The following ANKRD6 variants were observed in gnomAD, a reference collection of about 807,000 sequenced individuals.
ANKRD6 encodes ankyrin repeat domain-containing protein 6.
A neutral mutation model predicts 82.3 loss-of-function variants in ANKRD6; 56 were observed. That is an observed-to-expected ratio of 0.68 (90% CI 0.55 to 0.85). The LOEUF (loss-of-function observed/expected upper bound fraction) is 0.85. ANKRD6 is among the 40% of genes least tolerant of loss of function. The pLI is 0.00. For missense variants in ANKRD6, 852 were observed against 907.6 expected (o/e 0.94, Z 0.79); for synonymous variants, 347 against 352.1 (o/e 0.99, Z 0.16).
At chr6:89,579,756 CAAAAAAAAA>C (rs61159223) in intron 2 of ANKRD6, among the ~76,000 whole-genome samples, 4 of 68,514 alleles carry the variant, frequency 5.8e-5, no homozygotes, top group South Asian at 7.7e-4. Context: ...GACCCTGTCT[CAAAAAAAAA>C]AAAAAAAAAA....
intron 1 of ANKRD6, among the ~76,000 whole-genome samples, chr6:89,471,732 G>C (rs755581222): frequency 6.6e-6 from 1 of 151,954 alleles, no homozygotes; most frequent in Non-Finnish European, 1.5e-5. Flanking sequence ...ACTGACATTT[G>C]AGCTTAGCAA....
At chr6:89,540,285 G>T (rs148504858) in intron 1 of ANKRD6, among the ~76,000 whole-genome samples, 1 of 151,934 alleles carries the variant, frequency 6.6e-6, no homozygotes, top group Non-Finnish European at 1.5e-5. Context: ...CCACATCCTC[G>T]CCAACATTTG....
At chr6:89,560,420 C>T (rs1787225311) in intron 1 of ANKRD6, among the ~76,000 whole-genome samples, 1 of 152,190 alleles carries the variant, frequency 6.6e-6, no homozygotes, top group Admixed American at 6.5e-5. Flanking sequence ...CCTTTATGAC[C>T]AAATTCACCT....
chr6:89,448,460 A>G (rs985398247), intron 1 of ANKRD6, among the ~76,000 whole-genome samples: 1 of 151,672 alleles, frequency 6.6e-6, no homozygotes, highest in Non-Finnish European at 1.5e-5. Context: ...GAATTATACT[A>G]CATCTACTCT....
intron 1 of ANKRD6, among the ~76,000 whole-genome samples, chr6:89,521,518 A>G (rs904473839): frequency 4.6e-5 from 7 of 152,238 alleles, no homozygotes; most frequent in African/African-American, 1.7e-4. Flanking sequence ...TATGCTGGAA[A>G]GTTTTTAAGA....
chr6:89,466,134 T>C (rs1774820581), intron 1 of ANKRD6, among the ~76,000 whole-genome samples: 1 of 152,146 alleles, frequency 6.6e-6, no homozygotes, highest in African/African-American at 2.4e-5. Flanking sequence ...TAATAATATA[T>C]CATGAGGGTT....
intron 1 of ANKRD6, among the ~76,000 whole-genome samples, chr6:89,527,558 T>A (rs1782637829): frequency 8.5e-6 from 1 of 117,804 alleles, no homozygotes; most frequent in Non-Finnish European, 1.6e-5. Context: ...GGCTCCACTG[T>A]CCTCCAGCCT....
chr6:89,626,629 G>A (rs1441398373), intron 13 of ANKRD6, among the ~76,000 whole-genome samples: 1 of 152,220 alleles, frequency 6.6e-6, no homozygotes, highest in Non-Finnish European at 1.5e-5. Context: ...GGAATGCCAC[G>A]TGTGTCCCTG....
At chr6:89,577,227 T>G (rs1583417132) in intron 2 of ANKRD6, among the ~76,000 whole-genome samples, 1 of 152,052 alleles carries the variant, frequency 6.6e-6, no homozygotes, top group Non-Finnish European at 1.5e-5. Flanking sequence ...TTTCTTCTTT[T>G]GGGTCTTTGA....
At chr6:89,485,539 C>T (rs1777266616) in intron 1 of ANKRD6, among the ~76,000 whole-genome samples, 1 of 152,200 alleles carries the variant, frequency 6.6e-6, no homozygotes, top group South Asian at 2.1e-4. Context: ...GGCTTTTCTG[C>T]TGTAAACAAA....
intron 1 of ANKRD6, among the ~76,000 whole-genome samples, chr6:89,539,603 A>C (rs1344038941): frequency 6.6e-6 from 1 of 152,146 alleles, no homozygotes; most frequent in African/African-American, 2.4e-5. Context: ...ATAGGCATGC[A>C]ATGTGAAATA....
intron 1 of ANKRD6, among the ~76,000 whole-genome samples, chr6:89,535,026 C>G (rs1173673621): frequency 6.6e-6 from 1 of 152,192 alleles, no homozygotes; most frequent in East Asian, 1.9e-4. Context: ...TAGCAGGACT[C>G]TCTTTGGACT....
chr6:89,489,377 T>G (rs767902310), intron 1 of ANKRD6, among the ~76,000 whole-genome samples: 4 of 152,202 alleles, frequency 2.6e-5, no homozygotes, highest in Non-Finnish European at 2.9e-5. Flanking sequence ...TTATTAAGGA[T>G]GCCAGCTGCC....
At position 89,630,676 on chromosome 6, in the gene ANKRD6, A is replaced by C; in HGVS notation, c.1856A>C (p.Gln619Pro). Residue 619 changes from glutamine to proline, a missense_variant, in exon 16 of 16, where the codon CAA (glutamine) becomes CCA (proline). By Grantham distance (76) the Gln-to-Pro change is moderately conservative (BLOSUM62 -1). Coordinates refer to ENST00000339746, the MANE Select transcript of ANKRD6 (RefSeq NM_001242809.2). ...GGGCCCTGCGTCAACAGAGGCACTC[A>C]AACTAAGAAGTCTGGGAAGAGTGGG... Reference protein sequence around the residue: ...QAGPCVNRGTQTKKSGKSGPT... With the variant: ...QAGPCVNRGTPTKKSGKSGPT... 6.2e-7 allele frequency: 1 copy of C among 1,614,010 alleles called. No individual in the cohort carries two copies. The highest frequency in any genetic ancestry group is 8.5e-7 in the Non-Finnish European group (1 of 1,179,866).
chr6:89,527,318 G>T (rs1782607501), intron 1 of ANKRD6, among the ~76,000 whole-genome samples: 1 of 152,102 alleles, frequency 6.6e-6, no homozygotes, highest in African/African-American at 2.4e-5. Context: ...CTTTTAGTCA[G>T]GTGCAGTGAC....
At position 89,569,257 on chromosome 6, in the gene ANKRD6, C is replaced by A. The variant is rs138699185; in HGVS notation, c.120+2161C>A. 3.1e-3 allele frequency among the ~76,000 whole-genome samples: 476 copies of A among 152,296 alleles called. 4 individuals carry two copies. The highest frequency in any genetic ancestry group is 0.011 in the African/African-American group (454 of 41,562). ...TACCCAGTAGCTGTCACTTCCCATT[C>A]CCACCCCCAGCTCCTGGCAACCATG... On this transcript the variant is annotated intron_variant, in intron 2 of 15. Coordinates refer to ENST00000339746, the MANE Select transcript of ANKRD6 (RefSeq NM_001242809.2).
chr6:89,455,364 A>G (rs982045083), intron 1 of ANKRD6, among the ~76,000 whole-genome samples: 2 of 151,906 alleles, frequency 1.3e-5, no homozygotes, highest in Non-Finnish European at 2.9e-5. Flanking sequence ...GTGAAGGGGG[A>G]GCAGGCACTT....
At chr6:89,625,395 A>G (rs986958477) in intron 13 of ANKRD6, among the ~76,000 whole-genome samples, 1 of 152,182 alleles carries the variant, frequency 6.6e-6, no homozygotes, top group African/African-American at 2.4e-5. Context: ...TAGAATAATT[A>G]TGTATTTTTT....
At chr6:89,451,528 A>G (rs1772822079) in intron 1 of ANKRD6, among the ~76,000 whole-genome samples, 1 of 152,172 alleles carries the variant, frequency 6.6e-6, no homozygotes, top group South Asian at 2.1e-4. Flanking sequence ...CTTCCATTTT[A>G]TTACTAAATC....
Sources: allele counts gnomAD v4.1 joint callset (sites outside exome capture counted in the v4.1 genomes callset), GRCh38; gene constraint gnomAD v4.1.1; transcripts MANE v1.5; gene names NCBI Gene and HGNC (gene_info 2026-07-23, HGNC 2026-07-21).